Variants in ATP8A1 observed in about 807,000 individuals in gnomAD.
The protein encoded by ATP8A1 is ATPase phospholipid transporting 8A1.
Under a neutral mutation model 177.7 loss-of-function variants are expected in ATP8A1, and 90 were observed. That is an observed-to-expected ratio of 0.51 (90% CI 0.43 to 0.60). The LOEUF is 0.60. ATP8A1 is among the 20% of genes least tolerant of loss of function. ATP8A1 has a pLI of 0.00. For missense variants in ATP8A1, 1,072 were observed against 1,392.8 expected (o/e 0.77, Z 3.67); for synonymous variants, 493 against 485.9 (o/e 1.01, Z -0.19).
chr4:42,602,973 C>T (rs2109406602), intron 5 of ATP8A1, among the ~76,000 whole-genome samples: 1 of 151,996 alleles, frequency 6.6e-6, no homozygotes, highest in East Asian at 1.9e-4. Context: ...AAAAACTGGT[C>T]AATAGTGTCT....
At chr4:42,600,786 T>A (rs1216173419) in intron 5 of ATP8A1, among the ~76,000 whole-genome samples, 1 of 152,132 alleles carries the variant, frequency 6.6e-6, no homozygotes, top group Non-Finnish European at 1.5e-5. Flanking sequence ...AGAGGAACTA[T>A]GGGGCTCAGC....
At chr4:42,495,727 A>C (rs1325263691) in intron 24 of ATP8A1, among the ~76,000 whole-genome samples, 10 of 152,132 alleles carry the variant, frequency 6.6e-5, no homozygotes, top group Admixed American at 6.6e-4. Context: ...AACCAATATA[A>C]AGTAATTTTT....
At position 42,529,725 on chromosome 4, in the gene ATP8A1, G is replaced by C. The variant is rs904288266; in HGVS notation, c.1723-4878C>G. Among the ~76,000 whole-genome samples, 3 of 152,316 alleles carry C rather than the reference G, an allele frequency of 2.0e-5. No individual in the cohort carries two copies. In the South Asian group the frequency reaches 6.2e-4, roughly 32 times the overall value. On this transcript the variant is annotated intron_variant, in intron 20 of 36. Coordinates refer to ENST00000381668, the MANE Select transcript of ATP8A1 (RefSeq NM_006095.2). ...CACGATATGCAGGCACTACCCGAAA[G>C]TAGACAGCTGAAGCACGACAGCCCC...
At chr4:42,536,973 A>G (rs1727892001) in intron 20 of ATP8A1, among the ~76,000 whole-genome samples, 1 of 152,084 alleles carries the variant, frequency 6.6e-6, no homozygotes, top group Non-Finnish European at 1.5e-5. Flanking sequence ...TCTACTAAAA[A>G]AATACAAAAT....
chr4:42,488,769 A>C (rs1234919318), intron 24 of ATP8A1, among the ~76,000 whole-genome samples: 1 of 152,084 alleles, frequency 6.6e-6, no homozygotes, highest in Non-Finnish European at 1.5e-5. Flanking sequence ...CTGCCTTCAA[A>C]AACCAAGCTT....
chr4:42,593,807 G>C (rs1734440721), intron 6 of ATP8A1, among the ~76,000 whole-genome samples: 1 of 151,986 alleles, frequency 6.6e-6, no homozygotes, highest in Non-Finnish European at 1.5e-5. Context: ...TTAAAAGAAA[G>C]AGCAAAGTAC....
chr4:42,642,294 C>T (rs1003006065), intron 1 of ATP8A1, among the ~76,000 whole-genome samples: 4 of 152,164 alleles, frequency 2.6e-5, no homozygotes, highest in Admixed American at 6.5e-5. Flanking sequence ...AACTCCAGCA[C>T]ACCCTAACGA....
chr4:42,520,247 A>G (rs560077952), intron 22 of ATP8A1, among the ~76,000 whole-genome samples: 1 of 152,310 alleles, frequency 6.6e-6, no homozygotes, highest in South Asian at 2.1e-4. Context: ...ATTTTCAAAT[A>G]GATTTTTTTA....
intron 29 of ATP8A1, 28 bp downstream of exon 29, chr4:42,455,269 A>G: frequency 6.2e-7 from 1 of 1,611,922 alleles, no homozygotes; most frequent in Non-Finnish European, 8.5e-7. Context: ...CCCACCAAAC[A>G]TGTCCCAGCC....
intron 5 of ATP8A1, among the ~76,000 whole-genome samples, chr4:42,604,892 T>C (rs1477733683): frequency 1.3e-5 from 2 of 152,182 alleles, no homozygotes; most frequent in East Asian, 1.9e-4. Context: ...ATCTTGGAGA[T>C]ATGCTAAGTG....
At chr4:42,534,897 C>T (rs946785314) in intron 20 of ATP8A1, among the ~76,000 whole-genome samples, 8 of 152,228 alleles carry the variant, frequency 5.3e-5, no homozygotes, top group African/African-American at 1.9e-4. Context: ...AATTTTGTAT[C>T]CAGCGAAACT....
At chr4:42,608,138 C>T (rs903443806) in intron 5 of ATP8A1, among the ~76,000 whole-genome samples, 1 of 152,116 alleles carries the variant, frequency 6.6e-6, no homozygotes, top group Non-Finnish European at 1.5e-5. Context: ...TGAATGAAAA[C>T]ATTCTGTTAG....
chr4:42,432,777 C>T (rs986726782), intron 33 of ATP8A1, among the ~76,000 whole-genome samples: 41 of 152,176 alleles, frequency 2.7e-4, no homozygotes, highest in African/African-American at 9.9e-4. Flanking sequence ...ACACTTCCCT[C>T]TGAGAAAGCC....
intron 6 of ATP8A1, among the ~76,000 whole-genome samples, chr4:42,595,908 T>C (rs1214797526): frequency 6.6e-6 from 1 of 152,160 alleles, no homozygotes; most frequent in African/African-American, 2.4e-5. Flanking sequence ...ATAGTAACAA[T>C]TTATATGGTA....
intron 22 of ATP8A1, among the ~76,000 whole-genome samples, chr4:42,521,216 A>C (rs939621711): frequency 6.6e-6 from 1 of 152,230 alleles, no homozygotes; most frequent in African/African-American, 2.4e-5. Flanking sequence ...AGAGTTATCT[A>C]ATGGCAAGCT....
chr4:42,507,929 T>C (rs1316942191), intron 22 of ATP8A1, among the ~76,000 whole-genome samples: 1 of 151,954 alleles, frequency 6.6e-6, no homozygotes, highest in Non-Finnish European at 1.5e-5. Flanking sequence ...TCAGGAAATG[T>C]ATACACAATT....
At position 42,443,248 on chromosome 4, in the gene ATP8A1, G is replaced by A. The variant is rs1716825247; in HGVS notation, c.3123+317C>T. Among the ~76,000 whole-genome samples, 3 of 152,146 alleles carry A rather than the reference G, an allele frequency of 2.0e-5. No individual in the cohort carries two copies. The South Asian group carries it at 6.2e-4, about 31-fold the overall frequency. On this transcript the variant is annotated intron_variant, in intron 33 of 36. Transcript: ENST00000381668. ...AAATCTTTAATCAAAATGTATTTGT[G>A]GCTTTATGGTGTAATTTTAAAATGG...
intron 33 of ATP8A1, among the ~76,000 whole-genome samples, chr4:42,426,704 C>CA (rs1714662890): frequency 6.6e-6 from 1 of 152,194 alleles, no homozygotes; most frequent in Non-Finnish European, 1.5e-5. Flanking sequence ...GTCCCATGAG[C>CA]TTCATGGAAG....
intron 15 of ATP8A1, among the ~76,000 whole-genome samples, chr4:42,564,612 T>C (rs1057109787): frequency 2.0e-5 from 3 of 152,230 alleles, no homozygotes; most frequent in African/African-American, 7.2e-5. Flanking sequence ...GGAATGGCTG[T>C]ATTTATCCCA....
Sources: allele counts gnomAD v4.1 joint callset (sites outside exome capture counted in the v4.1 genomes callset), GRCh38; gene constraint gnomAD v4.1.1; transcripts MANE v1.5; gene names NCBI Gene and HGNC (gene_info 2026-07-23, HGNC 2026-07-21).